RREB1: variants seen among roughly 807,000 people sequenced by gnomAD.
RREB1 encodes ras responsive element binding protein 1, also known as ras-responsive element-binding protein 1.
RREB1 carries 27 observed loss-of-function variants against 117.8 expected under a neutral mutation model. That is an observed-to-expected ratio of 0.23 (90% CI 0.17 to 0.32). The LOEUF is 0.32. Among genes scored for constraint, RREB1 ranks in the 10% least tolerant of loss-of-function variants. The probability of loss-of-function intolerance (pLI) is 1.00; values close to 1 mark genes in which losing one functional copy is unlikely to be tolerated. For missense variants in RREB1, 2,577 were observed against 2,378.2 expected, an observed-to-expected ratio of 1.08 and a Z score of -1.74; for synonymous variants, 1,298 against 1,026.7, an observed-to-expected ratio of 1.26 and a Z score of -5.05.
chr6:7,122,061 C>T (rs1400861575), intron 1 of RREB1, among the ~76,000 whole-genome samples: 5 of 152,174 alleles, frequency 3.3e-5, no homozygotes, highest in African/African-American at 1.2e-4. Context: ...GATGGTCTCA[C>T]ATGAAAGTCT....
chr6:7,238,110 T>C (rs976178720), intron 10 of RREB1, among the ~76,000 whole-genome samples: 1 of 152,226 alleles, frequency 6.6e-6, no homozygotes, highest in Admixed American at 6.5e-5. Flanking sequence ...AGTTCTTTTC[T>C]CAATCTGGCC....
chr6:7,172,398 A>G (rs1007363246), intron 1 of RREB1, among the ~76,000 whole-genome samples: 12 of 150,196 alleles, frequency 8.0e-5, no homozygotes, highest in Non-Finnish European at 1.0e-4. Flanking sequence ...CAAGGGATGC[A>G]TCCCCCCACC....
intron 1 of RREB1, among the ~76,000 whole-genome samples, chr6:7,146,649 T>C (rs565268100): frequency 6.6e-6 from 1 of 152,252 alleles, no homozygotes; most frequent in East Asian, 1.9e-4. Flanking sequence ...TATATAGTCA[T>C]GTTTGAGCTC....
At chr6:7,208,071 C>T (rs1766375913) in intron 6 of RREB1, among the ~76,000 whole-genome samples, 2 of 152,170 alleles carry the variant, frequency 1.3e-5, no homozygotes, top group Non-Finnish European at 1.5e-5. Context: ...TTCATGGGCT[C>T]CTTGTCATTT....
intron 10 of RREB1, among the ~76,000 whole-genome samples, chr6:7,235,313 G>A (rs900584445): frequency 6.6e-6 from 1 of 152,160 alleles, no homozygotes; most frequent in Non-Finnish European, 1.5e-5. Context: ...CTCCTGGTAG[G>A]CAGCTCTGCT....
chr6:7,152,183 G>A (rs1763154963), intron 1 of RREB1, among the ~76,000 whole-genome samples: 1 of 152,166 alleles, frequency 6.6e-6, no homozygotes, highest in African/African-American at 2.4e-5. Flanking sequence ...GTATCTAATT[G>A]CACATTATTC....
rs563585387 is a variant in RREB1 at position 7,195,503 on chromosome 6, G to A, written c.425+6181G>A. On this transcript the variant is annotated intron_variant, in intron 6 of 12. Transcript: ENST00000379938. Reference sequence around the variant, plus strand: ...GCACATACCTGTGGGCCTGTGTTACGTTAATCAGGGGCCAGAACTGCCCTG... The same window carrying A: ...GCACATACCTGTGGGCCTGTGTTACATTAATCAGGGGCCAGAACTGCCCTG... 8.5e-5 allele frequency among the ~76,000 whole-genome samples: 13 copies of A among 152,314 alleles called. No individual in the cohort carries two copies. In the East Asian group the frequency reaches 1.9e-3, roughly 23 times the overall value.
intron 1 of RREB1, among the ~76,000 whole-genome samples, chr6:7,123,426 T>A (rs1038753429): frequency 1.3e-5 from 2 of 151,788 alleles, no homozygotes; most frequent in African/African-American, 2.4e-5. Context: ...CCTCCCGAAG[T>A]GCTAGGATTA....
At chr6:7,111,007 C>T (rs371715183) in intron 1 of RREB1, among the ~76,000 whole-genome samples, 33 of 152,276 alleles carry the variant, frequency 2.2e-4, no homozygotes, top group African/African-American at 6.7e-4. Flanking sequence ...TAACTAGTTA[C>T]ATCATCCAAC....
intron 1 of RREB1, among the ~76,000 whole-genome samples, chr6:7,120,230 C>A (rs908292241): frequency 1.3e-5 from 2 of 152,098 alleles, no homozygotes; most frequent in Non-Finnish European, 2.9e-5. Flanking sequence ...CCGTGCAGAT[C>A]CCTTGAGGTC....
chr6:7,240,333 AG>A, intron 10 of RREB1, 104 bp from the exon 11 acceptor site: 1 of 745,742 alleles, frequency 1.3e-6, no homozygotes, highest in Non-Finnish European at 2.1e-6. Context: ...GGGATGGAGG[AG>A]GGGGGAACAA....
intron 1 of RREB1, among the ~76,000 whole-genome samples, chr6:7,154,978 C>T (rs547623891): frequency 2.0e-5 from 3 of 152,240 alleles, no homozygotes; most frequent in African/African-American, 7.2e-5. Context: ...AGGGGCATGG[C>T]TAGGCAGCAG....
At chr6:7,189,830 A>AT (rs1169375939) in intron 6 of RREB1, among the ~76,000 whole-genome samples, 2 of 152,226 alleles carry the variant, frequency 1.3e-5, no homozygotes, top group African/African-American at 2.4e-5. Context: ...ACATCAGGAC[A>AT]TTAATTCCTG....
At position 7,230,715 on chromosome 6, in the gene RREB1, G is replaced by A; in HGVS notation, c.2616G>A (p.Arg872=). 6.3e-7 allele frequency: 1 copy of A among 1,596,272 alleles called. No individual in the cohort carries two copies. The highest frequency in any genetic ancestry group is 1.1e-5 in the South Asian group (1 of 88,514). The change falls in exon 10 of 13, where the codon AGG becomes AGA. Residue 872 remains arginine, a synonymous_variant. Transcript: ENST00000379938. ...FLEPQNGFLH[R]GPTQPPPPHV... Reference sequence around the variant, plus strand: ...AACCCCAGAACGGCTTTCTTCACAGGGGCCCCACCCAGCCTCCACCTCCCC... The same window carrying A: ...AACCCCAGAACGGCTTTCTTCACAGAGGCCCCACCCAGCCTCCACCTCCCC...
chr6:7,171,765 G>A (rs1764222025), intron 1 of RREB1, among the ~76,000 whole-genome samples: 1 of 152,138 alleles, frequency 6.6e-6, no homozygotes, highest in African/African-American at 2.4e-5. Context: ...GGGTCAGTGG[G>A]AGTCATGTGG....
At chr6:7,188,259 G>GCA (rs1561770000) in intron 5 of RREB1, among the ~76,000 whole-genome samples, 1 of 151,994 alleles carries the variant, frequency 6.6e-6, no homozygotes, top group African/African-American at 2.4e-5. Flanking sequence ...GTGTGCGCGC[G>GCA]CGCACGTGTG....
chr6:7,230,487 C>T lies in RREB1; in HGVS notation c.2388C>T (p.Ser796=), dbSNP rs34313748. 2.9e-4 allele frequency: 460 copies of T among 1,593,404 alleles called. No homozygotes were observed. The African/African-American group carries it at 3.9e-3, about 13-fold the overall frequency. The stretch of plus-strand genomic sequence containing the variant: ...AGCCCTTCGAGTGCAAGGAGTGCAG[C>T]GCCGCGTTCGCGGCCAAGCGCAACT... ...GRKPFECKEC[S]AAFAAKRNCI... is the part of the protein sequence containing the mutation. The change falls in exon 10 of 13, where the codon AGC becomes AGT. Residue 796 remains serine (S), a synonymous_variant. Transcript: ENST00000379938.
chr6:7,231,169 G>A lies in RREB1; in HGVS notation c.3070G>A (p.Val1024Ile), dbSNP rs897674262. ...GGTCCCAATCTACTCCTCAGCCCTG[G>A]TCAGCAGCCCTCCACTCGTGGGCAG... The part of the protein sequence containing the change: ...LAVPIYSSAL[V>I]SSPPLVGSSA... Residue 1024 changes from valine (V) to isoleucine (I), a missense_variant, in exon 10 of 13, where the codon GTC becomes ATC. Physicochemically the swap from Val to Ile is conservative, Grantham distance 29 (BLOSUM62 3). Coordinates refer to ENST00000379938, the MANE Select transcript of RREB1 (RefSeq NM_001003699.4). The A allele has an allele frequency of 6.2e-7, 1 of 1,611,852 alleles. No individual in the cohort carries two copies. Among genetic ancestry groups the A allele is most frequent in the Non-Finnish European group, 8.5e-7 (1 of 1,179,414 alleles).
In RREB1 at chr6:7,230,935, G is replaced by A; in HGVS notation, c.2836G>A (p.Gly946Arg). Residue 946 changes from glycine to arginine, a missense_variant, in exon 10 of 13, where the codon GGG (glycine) becomes AGG (arginine). Transcript: ENST00000379938. ...GTCCATCCCCAAGAACTTCAGGAAA[G>A]GGGACAAGGATTTGGCCACTCCCAG... ...DLSIPKNFRK[G>R]DKDLATPSEA... 6.2e-7 allele frequency: 1 copy of A among 1,614,028 alleles called. No homozygotes were observed. Among genetic ancestry groups the A allele is most frequent in the Non-Finnish European group, 8.5e-7 (1 of 1,179,946 alleles).
Sources: gnomAD v4.1 joint callset for allele counts (sites outside exome capture counted in the v4.1 genomes callset) on GRCh38, gnomAD v4.1.1 for gene constraint, MANE v1.5 for transcripts, NCBI Gene and HGNC (gene_info 2026-07-23, HGNC 2026-07-21) for gene names.